Variants in TENM3 observed in about 807,000 individuals in gnomAD.
The protein encoded by TENM3 is teneurin-3.
Under a neutral mutation model 255.1 loss-of-function variants are expected in TENM3, and 63 were observed. The ratio of observed to expected loss-of-function variants is 0.25; its 90% CI spans 0.20 to 0.30. TENM3 has a LOEUF of 0.30. TENM3 is among the 10% of genes least tolerant of loss of function. The probability of loss-of-function intolerance (pLI) is 1.00; values close to 1 mark genes in which losing one functional copy is unlikely to be tolerated. For synonymous variants in TENM3, 1,306 were observed against 1,322.3 expected (o/e 0.99, Z 0.27); for missense variants, 2,929 against 3,461.1 (o/e 0.85, Z 3.86).
At chr4:182,372,513 G>T (rs1219295679) in intron 3 of TENM3, among the ~76,000 whole-genome samples, 2 of 151,942 alleles carry the variant, frequency 1.3e-5, no homozygotes, top group African/African-American at 4.8e-5. Context: ...ATTCTTCCAA[G>T]ATTTCTTTGT....
At chr4:181,547,760 T>C in the TENM3 span, among the ~76,000 whole-genome samples, 23 of 152,246 alleles carry the variant, frequency 1.5e-4, no homozygotes, top group Non-Finnish European at 3.2e-4. Flanking sequence ...TCCAAAGATA[T>C]CCCAACTTTT....
At chr4:181,999,360 C>A in the TENM3 span, among the ~76,000 whole-genome samples, 1 of 152,118 alleles carries the variant, frequency 6.6e-6, no homozygotes, top group Non-Finnish European at 1.5e-5. Flanking sequence ...GACACACAGG[C>A]AAAGTTCTGA....
intron 11 of TENM3, among the ~76,000 whole-genome samples, chr4:182,685,044 G>A (rs1448983120): frequency 6.6e-6 from 1 of 152,122 alleles, no homozygotes; most frequent in Non-Finnish European, 1.5e-5. Context: ...TTGAATCCTG[G>A]AAGCCCAGAC....
intron 3 of TENM3, among the ~76,000 whole-genome samples, chr4:182,356,998 G>C (rs540982643): frequency 6.6e-6 from 1 of 152,036 alleles, no homozygotes; most frequent in East Asian, 1.9e-4. Context: ...ATAGTTTACT[G>C]AGAATAATGA....
intron 24 of TENM3, among the ~76,000 whole-genome samples, chr4:182,780,755 T>C (rs888742436): frequency 6.6e-5 from 10 of 152,046 alleles, no homozygotes; most frequent in Non-Finnish European, 1.5e-5. Context: ...GTAGTTCTCC[T>C]TGAAGAAGTC....
intron 13 of TENM3, among the ~76,000 whole-genome samples, chr4:182,717,628 G>A (rs1317151528): frequency 6.6e-6 from 1 of 152,208 alleles, no homozygotes; most frequent in Non-Finnish European, 1.5e-5. Flanking sequence ...AAATCACACA[G>A]TGGAAATCAG....
chr4:182,415,574 T>A (rs960849343), intron 3 of TENM3, among the ~76,000 whole-genome samples: 15 of 152,074 alleles, frequency 9.9e-5, no homozygotes, highest in Non-Finnish European at 1.8e-4. Flanking sequence ...AGGAAAAAAA[T>A]TGCATTAAAA....
chr4:182,617,778 G>A (rs2152444688), intron 4 of TENM3, among the ~76,000 whole-genome samples: 1 of 152,226 alleles, frequency 6.6e-6, no homozygotes, highest in East Asian at 1.9e-4. Flanking sequence ...GACATCAAGG[G>A]ATTTTATTTA....
chr4:182,679,572 T>G, intron 7 of TENM3, 94 bp from the exon 8 acceptor site: 1 of 994,978 alleles, frequency 1.0e-6, no homozygotes, highest in East Asian at 2.4e-5. Flanking sequence ...ATTGTATTTG[T>G]TAGAGCAAAG....
At chr4:181,467,095 G>GTATATATATA in the TENM3 span, among the ~76,000 whole-genome samples, 63 of 71,672 alleles carry the variant, frequency 8.8e-4, 1 homozygote, top group South Asian at 1.5e-3. Context: ...GTGTGTGTGT[G>GTATATATATA]TGTGTGTGTA....
At chr4:182,220,144 A>C (rs1755757923) in intron 1 of TENM3, among the ~76,000 whole-genome samples, 1 of 152,150 alleles carries the variant, frequency 6.6e-6, no homozygotes, top group Admixed American at 6.5e-5. Context: ...TGGGAGGCCA[A>C]GGTGGGCGGA....
At chr4:181,779,323 AC>A in the TENM3 span, among the ~76,000 whole-genome samples, 1 of 151,576 alleles carries the variant, frequency 6.6e-6, no homozygotes, top group Non-Finnish European at 1.5e-5. Context: ...CCAAGAATAA[AC>A]CCAGACATCT....
At chr4:182,212,401 A>T (rs981633610) in intron 1 of TENM3, among the ~76,000 whole-genome samples, 1 of 152,208 alleles carries the variant, frequency 6.6e-6, no homozygotes, top group Non-Finnish European at 1.5e-5. Flanking sequence ...ACAGGCAAGA[A>T]CGCGCCTGGA....
At chr4:182,508,084 C>G (rs1348897622) in intron 3 of TENM3, among the ~76,000 whole-genome samples, 1 of 152,164 alleles carries the variant, frequency 6.6e-6, no homozygotes, top group East Asian at 1.9e-4. Context: ...TCATTTAACC[C>G]TGATAGGCCT....
intron 5 of TENM3, among the ~76,000 whole-genome samples, chr4:182,633,361 G>A (rs1228660832): frequency 6.6e-6 from 1 of 152,166 alleles, no homozygotes; most frequent in Non-Finnish European, 1.5e-5. Flanking sequence ...CTTCATTCTA[G>A]ACGCTCATAG....
At chr4:181,864,889 C>A in the TENM3 span, among the ~76,000 whole-genome samples, 1 of 152,156 alleles carries the variant, frequency 6.6e-6, no homozygotes, top group African/African-American at 2.4e-5. Flanking sequence ...TAGCAAACCG[C>A]GTCTTTCATT....
chr4:181,491,831 A>G, the TENM3 span, among the ~76,000 whole-genome samples: 4 of 152,238 alleles, frequency 2.6e-5, no homozygotes, highest in South Asian at 6.2e-4. Flanking sequence ...ACTTATGTAA[A>G]TCACCTCGCT....
chr4:182,404,865 A>G (rs532080428), intron 3 of TENM3, among the ~76,000 whole-genome samples: 2 of 152,332 alleles, frequency 1.3e-5, no homozygotes, highest in African/African-American at 4.8e-5. Flanking sequence ...GCTGAGGACA[A>G]GGCCAAGGTG....
At chr4:181,655,639 A>T in the TENM3 span, among the ~76,000 whole-genome samples, 1 of 152,312 alleles carries the variant, frequency 6.6e-6, no homozygotes, top group East Asian at 1.9e-4. Context: ...TTTGGAATGG[A>T]GGGTGACAGT....
Sources: gnomAD v4.1 joint callset for allele counts (sites outside exome capture counted in the v4.1 genomes callset) on GRCh38, gnomAD v4.1.1 for gene constraint, MANE v1.5 for transcripts, NCBI Gene and HGNC (gene_info 2026-07-23, HGNC 2026-07-21) for gene names.